The following CNTNAP5 variants were observed in gnomAD, a reference collection of about 807,000 sequenced individuals.
CNTNAP5 encodes contactin associated protein family member 5, also known as contactin-associated protein-like 5.
A neutral mutation model predicts 150.2 loss-of-function variants in CNTNAP5; 72 were observed. The ratio of observed to expected loss-of-function variants is 0.48; its 90% CI spans 0.40 to 0.58. CNTNAP5 has a LOEUF of 0.58. Ranked by LOEUF, CNTNAP5 falls within the 20% of genes least tolerant of loss-of-function variation. CNTNAP5 has a pLI of 0.00. For missense variants in CNTNAP5, 1,636 were observed against 1,626.2 expected, an observed-to-expected ratio of 1.01 and a Z score of -0.10; for synonymous variants, 672 against 619.8, an observed-to-expected ratio of 1.08 and a Z score of -1.25.
intron 6 of CNTNAP5, among the ~76,000 whole-genome samples, chr2:124,472,144 CAA>C (rs1321132375): frequency 6.6e-6 from 1 of 152,042 alleles, no homozygotes; most frequent in South Asian, 2.1e-4. Flanking sequence ...AAATGGAACA[CAA>C]GAGTGGTTCA....
intron 3 of CNTNAP5, among the ~76,000 whole-genome samples, chr2:124,323,774 A>T (rs1024696873): frequency 6.6e-6 from 1 of 152,174 alleles, no homozygotes; most frequent in African/African-American, 2.4e-5. Flanking sequence ...GCATTACCTC[A>T]TCTTTGCACT....
intron 19 of CNTNAP5, among the ~76,000 whole-genome samples, chr2:124,825,526 C>T (rs1682575201): frequency 6.6e-6 from 1 of 152,116 alleles, no homozygotes; most frequent in Non-Finnish European, 1.5e-5. Context: ...GAGAGTGAGT[C>T]CCTCACAAGG....
At chr2:124,673,734 A>T (rs1678869624) in intron 13 of CNTNAP5, among the ~76,000 whole-genome samples, 1 of 151,598 alleles carries the variant, frequency 6.6e-6, no homozygotes, top group African/African-American at 2.4e-5. Context: ...CATAGAGAGA[A>T]TAAGTAATTT....
intron 19 of CNTNAP5, among the ~76,000 whole-genome samples, chr2:124,856,209 A>T (rs1333307012): frequency 6.6e-6 from 1 of 152,168 alleles, no homozygotes; most frequent in Non-Finnish European, 1.5e-5. Flanking sequence ...ACACATGCAC[A>T]CATACCACAA....
At chr2:124,624,031 G>A (rs1677670160) in intron 12 of CNTNAP5, among the ~76,000 whole-genome samples, 1 of 152,198 alleles carries the variant, frequency 6.6e-6, no homozygotes. Context: ...TGACCAAAGT[G>A]TGGTGACCAC....
intron 17 of CNTNAP5, among the ~76,000 whole-genome samples, chr2:124,785,041 G>GAAAAAAAAAAA (rs67254743): frequency 2.4e-5 from 3 of 123,500 alleles, no homozygotes; most frequent in Non-Finnish European, 5.0e-5. Context: ...TTAAGGCTGA[G>GAAAAAAAAAAA]AAAAAAAAAA....
chr2:124,245,462 G>A (rs6739686), intron 3 of CNTNAP5, among the ~76,000 whole-genome samples: 6 of 151,646 alleles, frequency 4.0e-5, no homozygotes, highest in Non-Finnish European at 7.4e-5. Flanking sequence ...CAAACAAAAG[G>A]TTTTGCAAAA....
chr2:124,301,076 T>C (rs1309100440), intron 3 of CNTNAP5, among the ~76,000 whole-genome samples: 1 of 152,218 alleles, frequency 6.6e-6, no homozygotes, highest in African/African-American at 2.4e-5. Context: ...TGTTTCTTCT[T>C]GAATTTGTGA....
At chr2:124,298,784 C>G (rs550054683) in intron 3 of CNTNAP5, among the ~76,000 whole-genome samples, 2 of 152,168 alleles carry the variant, frequency 1.3e-5, no homozygotes, top group African/African-American at 2.4e-5. Context: ...CAGGGATGGC[C>G]TAGGCAAAAC....
At chr2:124,196,989 G>A (rs1389355600) in intron 1 of CNTNAP5, among the ~76,000 whole-genome samples, 1 of 152,188 alleles carries the variant, frequency 6.6e-6, no homozygotes, top group Admixed American at 6.5e-5. Flanking sequence ...CATGCATCTC[G>A]TGTCTCAGGT....
intron 21 of CNTNAP5, among the ~76,000 whole-genome samples, chr2:124,892,641 G>T (rs1678217320): frequency 6.6e-6 from 1 of 152,118 alleles, no homozygotes; most frequent in Non-Finnish European, 1.5e-5. Flanking sequence ...AGCCCTACAG[G>T]TGAGTGCTAT....
intron 10 of CNTNAP5, among the ~76,000 whole-genome samples, chr2:124,552,445 TGCCCAC>T (rs1695648509): frequency 6.6e-6 from 1 of 152,220 alleles, no homozygotes; most frequent in African/African-American, 2.4e-5. Context: ...CCAGGTGGAT[TGCCCAC>T]GCTCAGATAT....
At chr2:124,476,482 A>G (rs1007619765) in intron 7 of CNTNAP5, among the ~76,000 whole-genome samples, 2 of 152,044 alleles carry the variant, frequency 1.3e-5, no homozygotes, top group African/African-American at 2.4e-5. Flanking sequence ...ATATCACTGG[A>G]ATGTGATGAA....
chr2:124,578,377 C>T (rs1028691632), intron 11 of CNTNAP5, among the ~76,000 whole-genome samples: 1 of 151,456 alleles, frequency 6.6e-6, no homozygotes, highest in Admixed American at 6.6e-5. Context: ...AAAAACTGCC[C>T]TTGCTTTCTA....
chr2:124,156,627 C>G (rs1234220904), intron 1 of CNTNAP5, among the ~76,000 whole-genome samples: 2 of 152,162 alleles, frequency 1.3e-5, no homozygotes, highest in Non-Finnish European at 2.9e-5. Context: ...TCCCAAGTAG[C>G]TGGGACTACA....
chr2:124,244,480 G>A (rs561815367), intron 3 of CNTNAP5, among the ~76,000 whole-genome samples: 83 of 152,212 alleles, frequency 5.5e-4, no homozygotes, highest in African/African-American at 1.9e-3. Flanking sequence ...AGAAGTTGCT[G>A]GATGGGCAGA....
At chr2:124,398,599 C>T (rs376898566) in intron 3 of CNTNAP5, among the ~76,000 whole-genome samples, 6 of 152,204 alleles carry the variant, frequency 3.9e-5, no homozygotes, top group East Asian at 3.9e-4. Context: ...CAGGTTCAAG[C>T]GATTCTCCTG....
intron 21 of CNTNAP5, among the ~76,000 whole-genome samples, chr2:124,897,272 C>G (rs531297389): frequency 2.0e-5 from 3 of 151,636 alleles, no homozygotes; most frequent in Admixed American, 2.0e-4. Flanking sequence ...TGTCAGGGGT[C>G]TCTTTTATGT....
chr2:124,221,359 G>C (rs909758670), intron 1 of CNTNAP5, among the ~76,000 whole-genome samples: 14 of 152,096 alleles, frequency 9.2e-5, no homozygotes, highest in African/African-American at 2.9e-4. Flanking sequence ...AATAATTTGA[G>C]GGTTTGCTCA....
Sources: gnomAD v4.1 joint callset for allele counts (sites outside exome capture counted in the v4.1 genomes callset) on GRCh38, gnomAD v4.1.1 for gene constraint, MANE v1.5 for transcripts, NCBI Gene and HGNC (gene_info 2026-07-23, HGNC 2026-07-21) for gene names.